Variants in CHRNB3 observed in about 807,000 individuals in gnomAD.
CHRNB3 encodes the protein neuronal acetylcholine receptor subunit beta-3.
CHRNB3 carries 37 observed loss-of-function variants against 40.6 expected under a neutral mutation model. The observed-to-expected ratio is 0.91, with a 90% CI of 0.70 to 1.20. CHRNB3 has a LOEUF of 1.20. Among genes scored for constraint, CHRNB3 ranks in the 50% most tolerant of loss-of-function variants. The pLI is 0.00. For synonymous variants in CHRNB3, 207 were observed against 207.1 expected (o/e 1.00, Z 0.00); for missense variants, 505 against 551.2 (o/e 0.92, Z 0.84).
intron 3 of CHRNB3, among the ~76,000 whole-genome samples, chr8:42,711,363 G>C (rs1413586955): frequency 6.6e-6 from 1 of 151,624 alleles, no homozygotes; most frequent in Non-Finnish European, 1.5e-5. Context: ...TATTTTACCA[G>C]TGGTTTTTTT....
intron 3 of CHRNB3, among the ~76,000 whole-genome samples, chr8:42,726,589 C>A (rs1395650720): frequency 6.6e-6 from 1 of 151,880 alleles, no homozygotes; most frequent in Non-Finnish European, 1.5e-5. Context: ...AACCTCCGCC[C>A]CCAAGTTCAA....
At chr8:42,726,744 C>T (rs1348000747) in intron 3 of CHRNB3, among the ~76,000 whole-genome samples, 1 of 152,078 alleles carries the variant, frequency 6.6e-6, no homozygotes, top group Non-Finnish European at 1.5e-5. Flanking sequence ...CCCGCCTTGG[C>T]CTGCCAAAGT....
intron 5 of CHRNB3, among the ~76,000 whole-genome samples, chr8:42,733,015 A>T (rs1816456523): frequency 6.6e-6 from 1 of 152,002 alleles, no homozygotes; most frequent in Non-Finnish European, 1.5e-5. Context: ...GGATGTGGTT[A>T]TTTAGTTTAC....
At chr8:42,703,334 G>C (rs1815851429) in intron 1 of CHRNB3, among the ~76,000 whole-genome samples, 1 of 150,168 alleles carries the variant, frequency 6.7e-6, no homozygotes, top group Non-Finnish European at 1.5e-5. Flanking sequence ...TGAGGCATGA[G>C]AATTGCTTGA....
chr8:42,709,204 G>A (rs996260148), intron 2 of CHRNB3, among the ~76,000 whole-genome samples: 1 of 152,138 alleles, frequency 6.6e-6, no homozygotes, highest in Non-Finnish European at 1.5e-5. Context: ...TGGGGCTGAC[G>A]TGCTGTGATC....
chr8:42,735,222 A>C lies in CHRNB3; in HGVS notation c.1243-1262A>C, dbSNP rs1046572689. The stretch of plus-strand genomic sequence containing the variant: ...GCGACAGAGCAAGACTCCGTCTCAA[A>C]AAACAAACAAACAAACAAAAAAACA... On this transcript the variant is annotated intron_variant, in intron 5 of 5. Coordinates refer to ENST00000289957, the MANE Select transcript of CHRNB3 (RefSeq NM_000749.5). Among the ~76,000 whole-genome samples, 7 of 150,054 alleles carry C rather than the reference A, an allele frequency of 4.7e-5. No individual in the cohort carries two copies. The Admixed American group carries it at 4.7e-4, about 10-fold the overall frequency.
intron 3 of CHRNB3, among the ~76,000 whole-genome samples, chr8:42,715,974 AC>A (rs200197966): frequency 6.0e-5 from 7 of 116,482 alleles, no homozygotes; most frequent in Non-Finnish European, 1.3e-4. Flanking sequence ...AATTAAACTG[AC>A]CTTTTTTTTT....
chr8:42,731,869 G>A lies in CHRNB3; in HGVS notation c.562G>A (p.Glu188Lys). The change falls in exon 5 of 6, where the codon GAA becomes AAA. Residue 188 changes from glutamate to lysine, a missense_variant. Coordinates refer to ENST00000289957, the MANE Select transcript of CHRNB3 (RefSeq NM_000749.5). ...CATGGTTGACCTCATTTTGATCAAT[G>A]AAAATGTCGACAGAAAAGACTTCTT... ...GTMVDLILIN[E>K]NVDRKDFFDN... 1 of 1,614,116 alleles carries A rather than the reference G, an allele frequency of 6.2e-7. No individual in the cohort carries two copies.
At chr8:42,725,836 C>T (rs1311793647) in intron 3 of CHRNB3, 38 of 822,128 alleles carry the variant, frequency 4.6e-5, no homozygotes, top group South Asian at 2.1e-4. Flanking sequence ...TTCCACTATA[C>T]GCAGCATTTT....
At chr8:42,706,306 G>C (rs1815920696) in intron 1 of CHRNB3, among the ~76,000 whole-genome samples, 1 of 152,120 alleles carries the variant, frequency 6.6e-6, no homozygotes, top group South Asian at 2.1e-4. Context: ...GGGCCATATG[G>C]GGTCAGGGAG....
intron 3 of CHRNB3, among the ~76,000 whole-genome samples, chr8:42,727,825 T>C (rs557839817): frequency 1.4e-4 from 22 of 152,214 alleles, no homozygotes; most frequent in African/African-American, 5.3e-4. Flanking sequence ...ACTGTGCGAC[T>C]GCACTCCAGC....
At chr8:42,709,387 T>G (rs977484978) in intron 2 of CHRNB3, among the ~76,000 whole-genome samples, 4 of 148,928 alleles carry the variant, frequency 2.7e-5, no homozygotes, top group Admixed American at 6.6e-5. Flanking sequence ...CTTGCCTTTC[T>G]GTCATGATTG....
At chr8:42,713,814 T>C (rs1201842281) in intron 3 of CHRNB3, among the ~76,000 whole-genome samples, 1 of 152,190 alleles carries the variant, frequency 6.6e-6, no homozygotes, top group Non-Finnish European at 1.5e-5. Context: ...TCATTACCCC[T>C]GTTTTATAGA....
Position 42,731,856 on chromosome 8 carries a change from C to A in CHRNB3, c.549C>A (p.Leu183=). Reference sequence around the variant, plus strand: ...CTTATGATGGCACCATGGTTGACCTCATTTTGATCAATGAAAATGTCGACA... The same window carrying A: ...CTTATGATGGCACCATGGTTGACCTAATTTTGATCAATGAAAATGTCGACA... ...SWTYDGTMVD[L]ILINENVDRK... Residue 183 remains leucine, a synonymous_variant, in exon 5 of 6, where the codon CTC becomes CTA. Transcript: ENST00000289957. The A allele has an allele frequency of 6.2e-7, 1 of 1,614,086 alleles. No individual in the cohort carries two copies. Among genetic ancestry groups the A allele is most frequent in the Non-Finnish European group, 8.5e-7 (1 of 1,180,026 alleles).
chr8:42,734,461 C>T (rs1303439768), intron 5 of CHRNB3, among the ~76,000 whole-genome samples: 3 of 149,192 alleles, frequency 2.0e-5, no homozygotes, highest in Non-Finnish European at 4.5e-5. Context: ...GCTCTGTCAC[C>T]GAGGCTGTAG....
chr8:42,715,239 G>A (rs1401452139), intron 3 of CHRNB3, among the ~76,000 whole-genome samples: 2 of 152,234 alleles, frequency 1.3e-5, no homozygotes, highest in African/African-American at 4.8e-5. Flanking sequence ...AATGAGACAG[G>A]AAGAAAGTCA....
chr8:42,710,444 A>T lies in CHRNB3; in HGVS notation c.249+10A>T. The T allele has an allele frequency of 6.2e-7, 1 of 1,603,882 alleles. No individual in the cohort carries two copies. The highest frequency in any genetic ancestry group is 8.5e-7 in the Non-Finnish European group (1 of 1,173,172). On this transcript the variant is annotated intron_variant, in intron 3 of 5. Transcript: ENST00000289957. ...TGTGTGGCTCAAACAGGTAAATTTC[A>T]ATCCAAGGATTGTGTCTGCTAACCC...
chr8:42,724,060 T>C (rs58379124), intron 3 of CHRNB3, among the ~76,000 whole-genome samples: 92,862 of 151,634 alleles, frequency 0.61, 32,890 homozygotes, highest in East Asian at 0.8. Flanking sequence ...TACTCCAGCC[T>C]GGGCAACAAG....
intron 1 of CHRNB3, 53 bp from the exon 2 acceptor site, chr8:42,708,664 C>T: frequency 6.3e-7 from 1 of 1,587,196 alleles, no homozygotes; most frequent in Middle Eastern, 1.7e-4. Flanking sequence ...GGACACTCAT[C>T]CAGGCATCGT....
Sources: allele counts gnomAD v4.1 joint callset (sites outside exome capture counted in the v4.1 genomes callset), GRCh38; gene constraint gnomAD v4.1.1; transcripts MANE v1.5; gene names NCBI Gene and HGNC (gene_info 2026-07-23, HGNC 2026-07-21).